Variants in CTBP2 observed in about 807,000 individuals in gnomAD.
CTBP2 encodes C-terminal-binding protein 2.
A neutral mutation model predicts 80.3 loss-of-function variants in CTBP2; 30 were observed. The observed-to-expected ratio is 0.37, with a 90% CI of 0.28 to 0.51. The LOEUF is 0.51. Ranked by LOEUF, CTBP2 falls within the 20% of genes least tolerant of loss-of-function variation. The pLI is 0.93. For missense variants in CTBP2, 1,212 were observed against 1,375.3 expected, an observed-to-expected ratio of 0.88 and a Z score of 1.88; for synonymous variants, 594 against 587.4, an observed-to-expected ratio of 1.01 and a Z score of -0.16.
chr10:124,995,161 G>GT (rs1953300944), intron 4 of CTBP2, among the ~76,000 whole-genome samples: 1 of 152,234 alleles, frequency 6.6e-6, no homozygotes, highest in African/African-American at 2.4e-5. Context: ...CCTGCAAAGG[G>GT]TGACATGAGC....
intron 2 of CTBP2, among the ~76,000 whole-genome samples, chr10:125,060,516 G>T (rs937948964): frequency 6.6e-6 from 1 of 151,636 alleles, no homozygotes; most frequent in African/African-American, 2.4e-5. Flanking sequence ...GTGTGTGTCT[G>T]TTGCGGCTTA....
At chr10:125,144,882 C>A (rs1459348398) in intron 1 of CTBP2, among the ~76,000 whole-genome samples, 1 of 152,192 alleles carries the variant, frequency 6.6e-6, no homozygotes, top group Non-Finnish European at 1.5e-5. Flanking sequence ...CACTGCCCAG[C>A]CTCATCTCAA....
At chr10:125,108,496 C>T (rs1273554216) in intron 2 of CTBP2, among the ~76,000 whole-genome samples, 2 of 152,214 alleles carry the variant, frequency 1.3e-5, no homozygotes, top group Admixed American at 6.5e-5. Context: ...GGTTGAAATC[C>T]ATACGTGGTC....
At chr10:125,078,352 G>A (rs1169579679) in intron 2 of CTBP2, among the ~76,000 whole-genome samples, 1 of 151,916 alleles carries the variant, frequency 6.6e-6, no homozygotes, top group Admixed American at 6.6e-5. Context: ...GAGGAGGGAG[G>A]TTCTAGGACA....
At chr10:125,071,453 A>T (rs11818305) in intron 2 of CTBP2, among the ~76,000 whole-genome samples, 6,269 of 152,344 alleles carry the variant, frequency 0.041, 450 homozygotes, top group African/African-American at 0.14. Flanking sequence ...CCCAAGTGGG[A>T]CAGGAAATTA....
chr10:125,152,272 T>C (rs1023994461), intron 1 of CTBP2, among the ~76,000 whole-genome samples: 2 of 152,124 alleles, frequency 1.3e-5, no homozygotes, highest in African/African-American at 4.8e-5. Context: ...AGGAGGCCCG[T>C]CCTTGCAGCA....
At chr10:125,131,866 G>C (rs531841156) in intron 1 of CTBP2, among the ~76,000 whole-genome samples, 1 of 152,144 alleles carries the variant, frequency 6.6e-6, no homozygotes, top group Admixed American at 6.5e-5. Flanking sequence ...GCCGGGAAGC[G>C]ACACACATTG....
At chr10:125,085,758 A>G (rs1286099960) in intron 2 of CTBP2, among the ~76,000 whole-genome samples, 1 of 152,170 alleles carries the variant, frequency 6.6e-6, no homozygotes, top group African/African-American at 2.4e-5. Context: ...CTACTATATG[A>G]GTTCACTCAA....
At chr10:125,032,407 A>G (rs1159027820), upstream of CTBP2, among the ~76,000 whole-genome samples, 1 of 152,226 alleles carries the variant, frequency 6.6e-6, no homozygotes, top group Non-Finnish European at 1.5e-5. Flanking sequence ...AGAAGGTCCC[A>G]GGATGCCGTC....
chr10:125,063,970 C>A (rs972651701), intron 2 of CTBP2, among the ~76,000 whole-genome samples: 2 of 152,108 alleles, frequency 1.3e-5, no homozygotes, highest in Non-Finnish European at 2.9e-5. Context: ...AAGCCCTCAA[C>A]CCCCCGCACC....
At chr10:125,008,582 C>T (rs1955519160) in intron 1 of CTBP2, among the ~76,000 whole-genome samples, 2 of 152,222 alleles carry the variant, frequency 1.3e-5, no homozygotes, top group South Asian at 4.1e-4. Flanking sequence ...GTAAGAAGTA[C>T]CTGGATCCTT....
intron 2 of CTBP2, among the ~76,000 whole-genome samples, chr10:125,087,714 GATGCTTCAACGCCGACTCCCACAGC>G (rs368534376): frequency 7.9e-5 from 12 of 152,208 alleles, no homozygotes; most frequent in African/African-American, 2.7e-4. Context: ...AGGTCTCTGG[GATGCTTCAACGCCGACTCCCACAGC>G]ATGCCACAAC....
At chr10:125,104,318 G>A (rs149606189) in intron 2 of CTBP2, among the ~76,000 whole-genome samples, 163 of 152,228 alleles carry the variant, frequency 1.1e-3, no homozygotes, top group African/African-American at 3.7e-3. Context: ...GCTCATCCAC[G>A]GCTGTGTTTT....
rs562284719 is a variant in CTBP2 at position 125,151,232 on chromosome 10, G to A, written c.-206+9087C>T. Among the ~76,000 whole-genome samples the A allele has an allele frequency of 2.8e-4, 43 of 152,316 alleles. No homozygotes were observed. In the South Asian group the frequency reaches 8.5e-3, roughly 30 times the overall value. ...TCCTCCATGGAGAAGACGAGGGCAAGACGAAACGGGCCAGATCGCACCGTC... is the reference window on the plus strand; with the variant it reads ...TCCTCCATGGAGAAGACGAGGGCAAAACGAAACGGGCCAGATCGCACCGTC... On this transcript the variant is annotated intron_variant, in intron 1 of 10. Transcript: ENST00000337195.
At chr10:125,155,977 C>T (rs939522909) in intron 1 of CTBP2, among the ~76,000 whole-genome samples, 1 of 152,170 alleles carries the variant, frequency 6.6e-6, no homozygotes, top group Non-Finnish European at 1.5e-5. Context: ...GCATTCCTCC[C>T]CTAGCAATTC....
chr10:125,051,647 A>AAACC (rs1255002367), intron 2 of CTBP2, among the ~76,000 whole-genome samples: 1 of 134,306 alleles, frequency 7.4e-6, no homozygotes, highest in Non-Finnish European at 1.5e-5. Context: ...CTCAAAATAG[A>AAACC]AACCAACCAA....
chr10:125,014,943 A>C (rs1394697652), intron 1 of CTBP2, among the ~76,000 whole-genome samples: 1 of 152,250 alleles, frequency 6.6e-6, no homozygotes, highest in African/African-American at 2.4e-5. Flanking sequence ...ATAAAAACCA[A>C]GAAAAGTGAG....
In CTBP2 at chr10:125,047,879, T is replaced by C. The variant is rs151087693; in HGVS notation, c.-101-8724A>G. 1.5e-3 allele frequency among the ~76,000 whole-genome samples: 231 copies of C among 152,350 alleles called. 1 individual carries two copies. Among genetic ancestry groups the C allele is most frequent in the Non-Finnish European group, 2.5e-3 (170 of 68,034 alleles). On this transcript the variant is annotated intron_variant, in intron 2 of 10. Transcript: ENST00000337195. ...TTTAAATATCAAATAAAGGCAATTA[T>C]AGGAATTAGCTACTTATCAAACAAA...
At chr10:125,038,686 G>A (rs1224356385) in intron 3 of CTBP2, among the ~76,000 whole-genome samples, 1 of 152,078 alleles carries the variant, frequency 6.6e-6, no homozygotes. Flanking sequence ...GAAAAAAGAT[G>A]GTCCTAATCA....
Sources: gnomAD v4.1 joint callset for allele counts (sites outside exome capture counted in the v4.1 genomes callset) on GRCh38, gnomAD v4.1.1 for gene constraint, MANE v1.5 for transcripts, NCBI Gene and HGNC (gene_info 2026-07-23, HGNC 2026-07-21) for gene names.